ELAPOR1: variants seen among roughly 807,000 people sequenced by gnomAD.
ELAPOR1 encodes the protein endosome-lysosome associated apoptosis and autophagy regulator 1.
ELAPOR1 carries 77 observed loss-of-function variants against 119.7 expected under a neutral mutation model. That is an observed-to-expected ratio of 0.64 (90% CI 0.54 to 0.78). The LOEUF (loss-of-function observed/expected upper bound fraction) is 0.78. Ranked by LOEUF, ELAPOR1 falls within the 30% of genes least tolerant of loss-of-function variation. The pLI, the probability that ELAPOR1 is intolerant of heterozygous loss-of-function variation, is 0.00. For synonymous variants in ELAPOR1, 481 were observed against 487.2 expected (o/e 0.99, Z 0.17); for missense variants, 1,115 against 1,270.4 (o/e 0.88, Z 1.86).
intron 12 of ELAPOR1, 92 bp downstream of exon 12, chr1:109,191,563 C>T: frequency 7.3e-7 from 1 of 1,374,972 alleles, no homozygotes; most frequent in Admixed American, 1.7e-5. Flanking sequence ...TGACACCCCC[C>T]CTTGTAGTGA....
At chr1:109,198,913 T>G (rs1279966357) in intron 18 of ELAPOR1, among the ~76,000 whole-genome samples, 3 of 152,344 alleles carry the variant, frequency 2.0e-5, no homozygotes, top group Admixed American at 1.3e-4. Flanking sequence ...CTGCGTAGCA[T>G]GGTAACCAAC....
At chr1:109,174,101 C>T (rs1473456060) in intron 7 of ELAPOR1, among the ~76,000 whole-genome samples, 1 of 148,456 alleles carries the variant, frequency 6.7e-6, no homozygotes, top group Non-Finnish European at 1.5e-5. Flanking sequence ...CAGCCTCAAA[C>T]TCCCTGTCCC....
In ELAPOR1 at chr1:109,134,439, G is replaced by T. The variant is rs540604416; in HGVS notation, c.153+20103G>T. 3.0e-4 allele frequency among the ~76,000 whole-genome samples: 45 copies of T among 152,084 alleles called. No individual in the cohort carries two copies. The South Asian group carries it at 6.5e-3, about 22-fold the overall frequency. ...GCCTCTCCCCTCTGGCTGGCATCTG[G>T]CTGCTCTCTTCCGCCACCAAGACCC... On this transcript the variant is annotated intron_variant, in intron 1 of 21. Coordinates refer to ENST00000369939, the MANE Select transcript of ELAPOR1 (RefSeq NM_020775.5).
intron 1 of ELAPOR1, among the ~76,000 whole-genome samples, chr1:109,122,708 G>A (rs768276541): frequency 6.6e-6 from 1 of 151,874 alleles, no homozygotes; most frequent in Non-Finnish European, 1.5e-5. Flanking sequence ...TGTAATCCCA[G>A]CACTTTGGGA....
chr1:109,129,950 C>T (rs1042573425), intron 1 of ELAPOR1, among the ~76,000 whole-genome samples: 2 of 152,054 alleles, frequency 1.3e-5, no homozygotes, highest in Non-Finnish European at 2.9e-5. Flanking sequence ...GCCAGCAGGG[C>T]CATGCACCCT....
intron 2 of ELAPOR1, among the ~76,000 whole-genome samples, chr1:109,163,557 TA>T (rs1651396353): frequency 7.9e-6 from 1 of 126,192 alleles, no homozygotes; most frequent in Non-Finnish European, 1.8e-5. Flanking sequence ...CACTCCCAGC[TA>T]ATTTAAACAT....
At chr1:109,192,916 T>C in intron 14 of ELAPOR1, 42 bp downstream of exon 14, 1 of 1,595,520 alleles carries the variant, frequency 6.3e-7, no homozygotes, top group African/African-American at 1.3e-5. Context: ...GACCCTCTGC[T>C]TGGATGACCT....
intron 5 of ELAPOR1, 114 bp downstream of exon 5, chr1:109,172,682 G>A (rs1208305435): frequency 1.8e-5 from 13 of 734,480 alleles, no homozygotes; most frequent in Non-Finnish European, 2.9e-5. Flanking sequence ...TGGAGGGCAG[G>A]AATGTGATAT....
chr1:109,165,819 G>A (rs182174258), intron 3 of ELAPOR1, among the ~76,000 whole-genome samples: 19 of 146,450 alleles, frequency 1.3e-4, no homozygotes, highest in African/African-American at 3.3e-4. Context: ...ATCTTGGCTC[G>A]CCACAAGCCC....
chr1:109,128,586 T>C (rs891299016), intron 1 of ELAPOR1, among the ~76,000 whole-genome samples: 3 of 152,202 alleles, frequency 2.0e-5, no homozygotes, highest in Admixed American at 1.3e-4. Flanking sequence ...CTACAATACC[T>C]GGATGGGCGC....
In ELAPOR1 at chr1:109,173,569, T is replaced by C. The variant is rs775689386; in HGVS notation, c.792T>C (p.Ile264=). Reference sequence around the variant, plus strand: ...CCAAGCCTGTGCTGGTGAGAAACATTGCCATAACAGGTACTGAGAGCAGGG... The same window carrying C: ...CCAAGCCTGTGCTGGTGAGAAACATCGCCATAACAGGTACTGAGAGCAGGG... ...KVPKPVLVRN[I]AITGVAYTSE... is the part of the protein sequence containing the mutation. Residue 264 remains isoleucine, a synonymous_variant, in exon 6 of 22, where the codon ATT becomes ATC. Coordinates refer to ENST00000369939, the MANE Select transcript of ELAPOR1 (RefSeq NM_020775.5). 7 of 1,614,002 alleles carry C rather than the reference T, an allele frequency of 4.3e-6. No homozygotes were observed. In the African/African-American group the frequency reaches 9.3e-5, roughly 22 times the overall value.
intron 1 of ELAPOR1, among the ~76,000 whole-genome samples, chr1:109,125,691 C>T (rs1294337332): frequency 1.3e-5 from 2 of 152,178 alleles, no homozygotes; most frequent in Non-Finnish European, 2.9e-5. Flanking sequence ...GCCAAGCAGT[C>T]TGTTTTTAAT....
intron 1 of ELAPOR1, among the ~76,000 whole-genome samples, chr1:109,137,361 G>A (rs1343887197): frequency 3.4e-5 from 5 of 149,252 alleles, no homozygotes; most frequent in Admixed American, 1.3e-4. Flanking sequence ...GCACCATGAC[G>A]CCCAGCTAAT....
chr1:109,182,202 C>T (rs1815307), intron 7 of ELAPOR1, among the ~76,000 whole-genome samples: 1,812 of 152,190 alleles, frequency 0.012, 44 homozygotes, highest in Admixed American at 0.052. Flanking sequence ...TGGTGGTGCA[C>T]ACCTGTAATC....
At chr1:109,159,090 C>T (rs192023068) in intron 1 of ELAPOR1, among the ~76,000 whole-genome samples, 1 of 152,164 alleles carries the variant, frequency 6.6e-6, no homozygotes, top group East Asian at 1.9e-4. Context: ...GACAGAGTTT[C>T]ACCATGTTGG....
intron 1 of ELAPOR1, among the ~76,000 whole-genome samples, chr1:109,160,076 C>T (rs537535841): frequency 6.6e-6 from 1 of 152,234 alleles, no homozygotes; most frequent in Non-Finnish European, 1.5e-5. Flanking sequence ...AATTCCCATC[C>T]TGATGTTCTT....
chr1:109,154,518 A>G (rs1454531757), intron 1 of ELAPOR1, among the ~76,000 whole-genome samples: 1 of 152,126 alleles, frequency 6.6e-6, no homozygotes, highest in Non-Finnish European at 1.5e-5. Context: ...TTACTTCACC[A>G]CTAGCCCTCG....
intron 1 of ELAPOR1, among the ~76,000 whole-genome samples, chr1:109,144,329 G>A (rs757830468): frequency 8.6e-5 from 13 of 151,700 alleles, no homozygotes; most frequent in Non-Finnish European, 1.6e-4. Context: ...TGAGATTACA[G>A]GCGTGAGCCA....
chr1:109,175,744 T>G (rs2101068004), intron 7 of ELAPOR1, among the ~76,000 whole-genome samples: 1 of 145,370 alleles, frequency 6.9e-6, no homozygotes, highest in Admixed American at 7.1e-5. Context: ...GGAGAATCAC[T>G]TGAACCCGGA....
Sources: allele counts gnomAD v4.1 joint callset (sites outside exome capture counted in the v4.1 genomes callset), GRCh38; gene constraint gnomAD v4.1.1; transcripts MANE v1.5; gene names NCBI Gene and HGNC (gene_info 2026-07-23, HGNC 2026-07-21).